The following TENM3 variants were observed in gnomAD, a reference collection of about 807,000 sequenced individuals.
TENM3 encodes the protein teneurin transmembrane protein 3.
A neutral mutation model predicts 255.1 loss-of-function variants in TENM3; 63 were observed. The observed-to-expected ratio is 0.25, with a 90% CI of 0.20 to 0.30. TENM3 has a LOEUF of 0.30. Among genes scored for constraint, TENM3 ranks in the 10% least tolerant of loss-of-function variants. The pLI, the probability that TENM3 is intolerant of heterozygous loss-of-function variation, is 1.00. For missense variants in TENM3, 2,929 were observed against 3,461.1 expected (o/e 0.85, Z 3.86); for synonymous variants, 1,306 against 1,322.3 (o/e 0.99, Z 0.27).
chr4:182,164,572 G>A (rs1334172616), intron 1 of TENM3, among the ~76,000 whole-genome samples: 1 of 152,166 alleles, frequency 6.6e-6, no homozygotes, highest in Non-Finnish European at 1.5e-5. Context: ...AGAACGCAAA[G>A]AGGATCCTGT....
chr4:181,565,706 T>TG, the TENM3 span, among the ~76,000 whole-genome samples: 1 of 152,232 alleles, frequency 6.6e-6, no homozygotes. Context: ...ATCATGTTTG[T>TG]GATTTTATTT....
the TENM3 span, among the ~76,000 whole-genome samples, chr4:181,564,028 CTTTTCTTT>C: frequency 1.1e-5 from 1 of 94,714 alleles, no homozygotes; most frequent in African/African-American, 4.2e-5. Context: ...CTTTTCTTTT[CTTTTCTTT>C]TTTCTTTTTT....
chr4:182,728,591 T>C (rs1424744991), intron 13 of TENM3, among the ~76,000 whole-genome samples: 1 of 152,186 alleles, frequency 6.6e-6, no homozygotes, highest in Admixed American at 6.5e-5. Flanking sequence ...TGGCATGTAC[T>C]TACGCAAATC....
At chr4:181,657,448 C>A in the TENM3 span, among the ~76,000 whole-genome samples, 1 of 152,064 alleles carries the variant, frequency 6.6e-6, no homozygotes, top group Non-Finnish European at 1.5e-5. Context: ...CAGAGAAATG[C>A]AAATCAAAAC....
chr4:182,632,990 C>T (rs987330613), intron 5 of TENM3, among the ~76,000 whole-genome samples: 4 of 152,058 alleles, frequency 2.6e-5, no homozygotes, highest in African/African-American at 7.2e-5. Context: ...AGTGCAACGA[C>T]GCAGTCACAG....
chr4:182,053,970 G>T, the TENM3 span, among the ~76,000 whole-genome samples: 1 of 152,084 alleles, frequency 6.6e-6, no homozygotes, highest in Non-Finnish European at 1.5e-5. Context: ...TCTTCCTCCC[G>T]AGTCTGTAGG....
intron 1 of TENM3, among the ~76,000 whole-genome samples, chr4:182,289,502 C>T (rs936193739): frequency 6.6e-6 from 1 of 152,170 alleles, no homozygotes; most frequent in Admixed American, 6.5e-5. Context: ...TACACATGCC[C>T]CAACGTAGCA....
At chr4:181,473,458 G>A in the TENM3 span, among the ~76,000 whole-genome samples, 1,021 of 152,028 alleles carry the variant, frequency 6.7e-3, 9 homozygotes, top group Non-Finnish European at 0.012. Context: ...TGGGGGTGGC[G>A]ACACGCACCT....
At chr4:182,533,768 G>A (rs1740009120) in intron 3 of TENM3, among the ~76,000 whole-genome samples, 1 of 151,974 alleles carries the variant, frequency 6.6e-6, no homozygotes, top group Non-Finnish European at 1.5e-5. Context: ...ACAAAAATTA[G>A]CTGGGTGTGG....
At chr4:181,926,955 G>A in the TENM3 span, among the ~76,000 whole-genome samples, 1 of 152,006 alleles carries the variant, frequency 6.6e-6, no homozygotes, top group Non-Finnish European at 1.5e-5. Context: ...GAGGGACCGT[G>A]CTGTGAGGAA....
chr4:182,448,932 T>C, intron 3 of TENM3: 10 of 374,276 alleles, frequency 2.7e-5, no homozygotes, highest in South Asian at 1.8e-4. Context: ...CGGCCGGGTG[T>C]AAACAGAGGA....
intron 3 of TENM3, among the ~76,000 whole-genome samples, chr4:182,565,648 G>T (rs943623580): frequency 2.0e-5 from 3 of 152,172 alleles, no homozygotes; most frequent in Non-Finnish European, 4.4e-5. Context: ...AATTTTTATA[G>T]TACCCTTTTA....
At chr4:181,547,093 C>T in the TENM3 span, among the ~76,000 whole-genome samples, 3 of 152,040 alleles carry the variant, frequency 2.0e-5, no homozygotes, top group African/African-American at 7.2e-5. Flanking sequence ...AATTCTAAAA[C>T]ATTGGAGAAA....
chr4:182,289,582 G>GTTAAAGTT (rs1760977314), intron 1 of TENM3, among the ~76,000 whole-genome samples: 1 of 151,970 alleles, frequency 6.6e-6, no homozygotes, highest in East Asian at 1.9e-4. Flanking sequence ...TTACTGAAAA[G>GTTAAAGTT]TTAAAGTTTG....
At chr4:182,223,149 G>A (rs1361663223) in intron 1 of TENM3, among the ~76,000 whole-genome samples, 1 of 152,180 alleles carries the variant, frequency 6.6e-6, no homozygotes, top group African/African-American at 2.4e-5. Context: ...GAGGTGGAAA[G>A]AATATAATAC....
intron 1 of TENM3, among the ~76,000 whole-genome samples, chr4:182,259,040 T>C (rs1331610088): frequency 2.6e-5 from 4 of 152,218 alleles, no homozygotes; most frequent in African/African-American, 9.6e-5. Flanking sequence ...GATACCTTTG[T>C]CTATAAAGCC....
the TENM3 span, among the ~76,000 whole-genome samples, chr4:181,512,116 A>G: frequency 6.6e-6 from 1 of 152,078 alleles, no homozygotes; most frequent in East Asian, 1.9e-4. Context: ...TGAGGTCAAC[A>G]TCCCAGATAG....
chr4:182,044,666 C>A, the TENM3 span, among the ~76,000 whole-genome samples: 1 of 152,010 alleles, frequency 6.6e-6, no homozygotes, highest in South Asian at 2.1e-4. Context: ...TAATTGAAAT[C>A]CCCAGATTAG....
At chr4:182,733,694 G>A (rs928378744) in intron 16 of TENM3, among the ~76,000 whole-genome samples, 1 of 152,218 alleles carries the variant, frequency 6.6e-6, no homozygotes, top group Admixed American at 6.5e-5. Flanking sequence ...AGGCTGACAG[G>A]CAAAGATGTT....
Sources: allele counts gnomAD v4.1 joint callset (sites outside exome capture counted in the v4.1 genomes callset), GRCh38; gene constraint gnomAD v4.1.1; transcripts MANE v1.5; gene names NCBI Gene and HGNC (gene_info 2026-07-23, HGNC 2026-07-21).